Variants in ITCH observed in about 807,000 individuals in gnomAD.
ITCH encodes the protein E3 ubiquitin-protein ligase Itchy homolog.
Under a neutral mutation model 126.8 loss-of-function variants are expected in ITCH, and 28 were observed. The ratio of observed to expected loss-of-function variants is 0.22; its 90% confidence interval spans 0.16 to 0.30. The LOEUF (loss-of-function observed/expected upper bound fraction) is 0.30, where lower values mean the gene tolerates loss of function less well. Ranked by LOEUF, ITCH falls within the 10% of genes least tolerant of loss-of-function variation. The pLI is 1.00. For missense variants in ITCH, 631 were observed against 1,032.4 expected, an observed-to-expected ratio of 0.61 and a Z score of 5.33; for synonymous variants, 342 against 340.0, an observed-to-expected ratio of 1.01 and a Z score of -0.06.
At chr20:34,369,513 G>C in intron 2 of ITCH, 43 bp downstream of exon 2, 1 of 398,054 alleles carries the variant, frequency 2.5e-6, no homozygotes, top group East Asian at 3.6e-5. Context: ...CAAGAGTGAT[G>C]CAGAGGCCAA....
intron 7 of ITCH, among the ~76,000 whole-genome samples, chr20:34,428,814 A>G (rs1179968605): frequency 6.6e-6 from 1 of 152,318 alleles, no homozygotes; most frequent in Non-Finnish European, 1.5e-5. Flanking sequence ...TATCCTGTCC[A>G]TAACTTATGA....
intron 20 of ITCH, among the ~76,000 whole-genome samples, chr20:34,485,724 C>T (rs186411557): frequency 1.3e-5 from 2 of 152,190 alleles, no homozygotes; most frequent in South Asian, 2.1e-4. Flanking sequence ...GCTCTGTTGC[C>T]GAGGCTGAAA....
At chr20:34,420,670 T>C (rs1022660085) in intron 6 of ITCH, among the ~76,000 whole-genome samples, 5 of 152,262 alleles carry the variant, frequency 3.3e-5, no homozygotes, top group African/African-American at 1.2e-4. Context: ...TTTTGATACA[T>C]AGGAATTTTT....
chr20:34,402,146 T>C, intron 3 of ITCH: 1 of 1,085,608 alleles, frequency 9.2e-7, no homozygotes. Flanking sequence ...GGAGAGATGT[T>C]CCTAGCAGCA....
intron 8 of ITCH, 122 bp from the exon 9 acceptor site, chr20:34,440,033 C>T (rs1009004850): frequency 8.7e-6 from 6 of 691,372 alleles, no homozygotes; most frequent in African/African-American, 5.4e-5. Flanking sequence ...TAATTTTCAC[C>T]TGTGCATCTA....
At chr20:34,459,813 ACCATTTT>A (rs1472802563) in intron 13 of ITCH, among the ~76,000 whole-genome samples, 1 of 152,178 alleles carries the variant, frequency 6.6e-6, no homozygotes, top group Non-Finnish European at 1.5e-5. Flanking sequence ...CCAACAAATG[ACCATTTT>A]CTTTTTAAAT....
chr20:34,471,567 C>T (rs756962302), intron 16 of ITCH, 52 bp downstream of exon 16: 26 of 1,094,820 alleles, frequency 2.4e-5, no homozygotes, highest in Admixed American at 1.2e-4. Context: ...GCTTAGGACC[C>T]GCTTTTGGTG....
chr20:34,419,800 CT>C (rs142821860), intron 6 of ITCH, among the ~76,000 whole-genome samples: 2,971 of 152,196 alleles, frequency 0.02, 92 homozygotes, highest in African/African-American at 0.059. Flanking sequence ...GACTACAGGC[CT>C]TTTAAGATTT....
At chr20:34,466,325 T>C (rs771834651) in intron 14 of ITCH, 1 of 493,320 alleles carries the variant, frequency 2.0e-6, no homozygotes, top group East Asian at 5.8e-5. Context: ...TTTTTGCTGA[T>C]TTTTTTTTAG....
At chr20:34,381,662 G>A (rs758703566) in intron 2 of ITCH, among the ~76,000 whole-genome samples, 16 of 151,946 alleles carry the variant, frequency 1.1e-4, no homozygotes, top group Admixed American at 4.6e-4. Context: ...TCCTTGCCTC[G>A]TGATCCGCCC....
intron 11 of ITCH, among the ~76,000 whole-genome samples, chr20:34,446,279 C>T (rs1984450102): frequency 6.6e-6 from 1 of 152,196 alleles, no homozygotes; most frequent in Non-Finnish European, 1.5e-5. Context: ...AAAATGCCCC[C>T]TCCATCACCA....
At chr20:34,440,006 T>C (rs1983525170) in intron 8 of ITCH, 149 bp from the exon 9 acceptor site, 1 of 648,260 alleles carries the variant, frequency 1.5e-6, no homozygotes, top group Non-Finnish European at 2.7e-6. Flanking sequence ...TTATTTCCCA[T>C]TACTTATTTC....
chr20:34,389,518 CA>C (rs1318947344), intron 2 of ITCH, among the ~76,000 whole-genome samples: 1 of 151,804 alleles, frequency 6.6e-6, no homozygotes, highest in Admixed American at 6.6e-5. Context: ...CTAGATGCTA[CA>C]AAAGAGAAAC....
chr20:34,374,622 G>A (rs1032377797), intron 2 of ITCH, among the ~76,000 whole-genome samples: 3 of 152,120 alleles, frequency 2.0e-5, no homozygotes, highest in Admixed American at 6.6e-5. Flanking sequence ...ATGCCTGCAA[G>A]GGCTGGATGA....
At chr20:34,480,066 T>G (rs747363771) in intron 18 of ITCH, among the ~76,000 whole-genome samples, 10 of 149,962 alleles carry the variant, frequency 6.7e-5, no homozygotes, top group Non-Finnish European at 1.2e-4. Flanking sequence ...GCCTGGCTAA[T>G]TTTTGTATTT....
intron 16 of ITCH, among the ~76,000 whole-genome samples, chr20:34,474,620 G>C (rs6059858): frequency 0.74 from 112,011 of 152,170 alleles, 42,668 homozygotes; most frequent in African/African-American, 0.93. Flanking sequence ...ACCCTTCCCC[G>C]CTTTCTATTC....
chr20:34,439,102 T>C (rs940290249), intron 8 of ITCH, among the ~76,000 whole-genome samples: 8 of 152,226 alleles, frequency 5.3e-5, no homozygotes, highest in African/African-American at 1.9e-4. Flanking sequence ...CCTATAAGAC[T>C]ATCCACTTCT....
chr20:34,409,957 G>T lies in ITCH; in HGVS notation c.212+1165G>T, dbSNP rs560344901. On this transcript the variant is annotated intron_variant, in intron 4 of 24. Coordinates refer to ENST00000374864, the MANE Select transcript of ITCH (RefSeq NM_031483.7). ...AGCCAGGAGGATTGTGTGAGGCCAG[G>T]AGTTCAAAGGTGCAGTTTGATATGA... Among the ~76,000 whole-genome samples the T allele has an allele frequency of 2.0e-5, 3 of 151,754 alleles. No homozygotes were observed. In the South Asian group the frequency reaches 6.3e-4, roughly 32 times the overall value.
At chr20:34,388,773 A>G (rs1459919492) in intron 2 of ITCH, among the ~76,000 whole-genome samples, 1 of 152,242 alleles carries the variant, frequency 6.6e-6, no homozygotes, top group Non-Finnish European at 1.5e-5. Context: ...GAGAGCACTA[A>G]TAGCCTATTC....
Sources: allele counts gnomAD v4.1 joint callset (sites outside exome capture counted in the v4.1 genomes callset), GRCh38; gene constraint gnomAD v4.1.1; transcripts MANE v1.5; gene names NCBI Gene and HGNC (gene_info 2026-07-23, HGNC 2026-07-21).